Variants in TBC1D32 observed in about 807,000 individuals in gnomAD.
TBC1D32 encodes the protein TBC1 domain family member 32.
Under a neutral mutation model 170.3 loss-of-function variants are expected in TBC1D32, and 151 were observed. The observed-to-expected ratio is 0.89, with a 90% confidence interval of 0.78 to 1.01. The LOEUF is 1.01. Among genes scored for constraint, TBC1D32 ranks in the 50% least tolerant of loss-of-function variants. The pLI is 0.00. For synonymous variants in TBC1D32, 498 were observed against 488.0 expected (o/e 1.02, Z -0.27); for missense variants, 1,464 against 1,457.1 (o/e 1.00, Z -0.08).
intron 21 of TBC1D32, among the ~76,000 whole-genome samples, chr6:121,210,680 G>A (rs1792918426): frequency 6.6e-6 from 1 of 152,156 alleles, no homozygotes; most frequent in Admixed American, 6.5e-5. Context: ...AGGAGATTAT[G>A]GGGGTGGGCT....
At chr6:121,258,473 A>G (rs1193775053) in intron 15 of TBC1D32, among the ~76,000 whole-genome samples, 3 of 150,898 alleles carry the variant, frequency 2.0e-5, no homozygotes, top group Non-Finnish European at 4.4e-5. Context: ...TACATTTAGT[A>G]TGTAAACAGC....
chr6:121,252,225 A>G (rs1690281612), intron 17 of TBC1D32, among the ~76,000 whole-genome samples: 1 of 152,196 alleles, frequency 6.6e-6, no homozygotes, highest in Non-Finnish European at 1.5e-5. Context: ...ATTACTGGGT[A>G]TATACCCGAA....
intron 11 of TBC1D32, among the ~76,000 whole-genome samples, chr6:121,293,218 G>A (rs1259738523): frequency 1.3e-5 from 2 of 151,968 alleles, no homozygotes; most frequent in Non-Finnish European, 2.9e-5. Context: ...AGAAAGTAAT[G>A]AGGGGAAAGG....
At chr6:121,244,597 T>C (rs539225696) in intron 17 of TBC1D32, among the ~76,000 whole-genome samples, 2 of 152,312 alleles carry the variant, frequency 1.3e-5, no homozygotes, top group South Asian at 4.1e-4. Flanking sequence ...TTGTCACTTT[T>C]TCATTTTTAT....
chr6:121,275,691 A>G (rs78942809), intron 15 of TBC1D32, among the ~76,000 whole-genome samples: 2,260 of 152,306 alleles, frequency 0.015, 41 homozygotes, highest in African/African-American at 0.044. Context: ...TTGAAAAGTA[A>G]TCTGGCAGGA....
intron 16 of TBC1D32, 107 bp downstream of exon 16, chr6:121,255,977 C>T: frequency 1.0e-6 from 1 of 953,886 alleles, no homozygotes; most frequent in African/African-American, 1.7e-5. Context: ...CTAAAGAAGT[C>T]ATATTTGCCC....
Position 121,317,520 on chromosome 6 carries a change from G to C in TBC1D32, c.470C>G (p.Ser157Cys). ...KSHSYRTDNC[S>C]DSDSSLNQSY... ...CTGATTCAATGATGAATCACTATCA[G>C]AGCAATTGTCTGTGCGGTAACTATG... is the stretch of plus-strand genomic sequence containing the variant. The change falls in exon 3 of 32, where the codon TCT (serine) becomes TGT (cysteine). Residue 157 changes from serine to cysteine, a missense_variant. Transcript: ENST00000398212. 1 of 1,609,280 alleles carries C rather than the reference G, an allele frequency of 6.2e-7. No homozygotes were observed. Among genetic ancestry groups the C allele is most frequent in the Non-Finnish European group, 8.5e-7 (1 of 1,177,970 alleles).
chr6:121,221,673 A>G (rs1794542956), intron 21 of TBC1D32, among the ~76,000 whole-genome samples: 1 of 152,206 alleles, frequency 6.6e-6, no homozygotes, highest in Admixed American at 6.5e-5. Context: ...CATGGTGGAA[A>G]TAGCAAGAAA....
At chr6:121,260,998 C>T (rs1360285456) in intron 15 of TBC1D32, among the ~76,000 whole-genome samples, 3 of 152,180 alleles carry the variant, frequency 2.0e-5, no homozygotes, top group Non-Finnish European at 4.4e-5. Context: ...CCCCACAGCG[C>T]AGCACACCAG....
At chr6:121,192,967 G>C (rs1387352347) in intron 22 of TBC1D32, among the ~76,000 whole-genome samples, 1 of 152,090 alleles carries the variant, frequency 6.6e-6, no homozygotes, top group African/African-American at 2.4e-5. Context: ...TTTACTTCTA[G>C]ACATATAACT....
chr6:121,316,671 A>C (rs1808974429), intron 3 of TBC1D32, among the ~76,000 whole-genome samples: 2 of 152,118 alleles, frequency 1.3e-5, no homozygotes, highest in African/African-American at 4.8e-5. Flanking sequence ...ACTATTTCCA[A>C]AACCAATTTT....
intron 22 of TBC1D32, among the ~76,000 whole-genome samples, chr6:121,162,244 C>A (rs1447952745): frequency 6.6e-6 from 1 of 152,150 alleles, no homozygotes; most frequent in African/African-American, 2.4e-5. Flanking sequence ...TTGCTTTTGG[C>A]ATCTTCCTCA....
intron 2 of TBC1D32, among the ~76,000 whole-genome samples, chr6:121,320,487 T>C (rs1221780453): frequency 1.3e-5 from 2 of 152,148 alleles, no homozygotes; most frequent in Non-Finnish European, 2.9e-5. Context: ...AGTATTTTAG[T>C]ATTCCTTCTA....
At chr6:121,159,935 C>T (rs1785400777) in intron 24 of TBC1D32, 75 bp downstream of exon 24, 1 of 995,534 alleles carries the variant, frequency 1.0e-6, no homozygotes, top group Non-Finnish European at 1.6e-6. Context: ...TATTCATCTT[C>T]CTTAATATTT....
At chr6:121,088,014 A>C (rs1776427820) in intron 31 of TBC1D32, among the ~76,000 whole-genome samples, 1 of 151,210 alleles carries the variant, frequency 6.6e-6, no homozygotes, top group Non-Finnish European at 1.5e-5. Context: ...GCACTGGTAC[A>C]ATCATGGCCC....
chr6:121,233,773 G>A (rs935167455), intron 20 of TBC1D32, among the ~76,000 whole-genome samples: 1 of 151,986 alleles, frequency 6.6e-6, no homozygotes, highest in Non-Finnish European at 1.5e-5. Flanking sequence ...GAATACCTTG[G>A]TTTTTTTGTC....
At chr6:121,290,950 A>C (rs1281565631) in intron 12 of TBC1D32, among the ~76,000 whole-genome samples, 2 of 139,142 alleles carry the variant, frequency 1.4e-5, no homozygotes, top group African/African-American at 5.5e-5. Flanking sequence ...GAATTGAACA[A>C]TGAGAACACA....
intron 15 of TBC1D32, among the ~76,000 whole-genome samples, chr6:121,277,098 T>C (rs758764219): frequency 1.6e-4 from 25 of 152,148 alleles, no homozygotes; most frequent in Non-Finnish European, 3.2e-4. Context: ...TTATATAAGC[T>C]TACAGAGATA....
chr6:121,291,803 A>G (rs966638285), intron 12 of TBC1D32, among the ~76,000 whole-genome samples: 1 of 152,258 alleles, frequency 6.6e-6, no homozygotes, highest in African/African-American at 2.4e-5. Flanking sequence ...AAGGTCTTCT[A>G]GCTCTAAATC....
Sources: gnomAD v4.1 joint callset for allele counts (sites outside exome capture counted in the v4.1 genomes callset) on GRCh38, gnomAD v4.1.1 for gene constraint, MANE v1.5 for transcripts, NCBI Gene and HGNC (gene_info 2026-07-23, HGNC 2026-07-21) for gene names.